STK40: variants seen among roughly 807,000 people sequenced by gnomAD.
STK40 encodes serine/threonine-protein kinase 40.
A neutral mutation model predicts 47.9 loss-of-function variants in STK40; 13 were observed. That is an observed-to-expected ratio of 0.27 (90% CI 0.18 to 0.43). The LOEUF is 0.43. Ranked by LOEUF, STK40 falls within the 20% of genes least tolerant of loss-of-function variation. The probability of loss-of-function intolerance (pLI) is 1.00; values close to 1 mark genes in which losing one functional copy is unlikely to be tolerated. For synonymous variants in STK40, 225 were observed against 243.2 expected (o/e 0.93, Z 0.69); for missense variants, 460 against 595.1 (o/e 0.77, Z 2.36).
intron 1 of STK40, among the ~76,000 whole-genome samples, chr1:36,368,962 AGAG>A (rs1646923247): frequency 6.6e-6 from 1 of 152,170 alleles, no homozygotes; most frequent in South Asian, 2.1e-4. Context: ...CCCCCGAGGC[AGAG>A]GAGAAAATCC....
chr1:36,346,341 A>G (rs1212530368), intron 7 of STK40, among the ~76,000 whole-genome samples: 1 of 151,954 alleles, frequency 6.6e-6, no homozygotes, highest in Non-Finnish European at 1.5e-5. Flanking sequence ...TGCCATCCCT[A>G]TTTTACAGAT....
chr1:36,365,419 G>C (rs1007168653), intron 1 of STK40, among the ~76,000 whole-genome samples: 11 of 152,166 alleles, frequency 7.2e-5, no homozygotes, highest in Non-Finnish European at 1.3e-4. Flanking sequence ...TGTGCCACTG[G>C]GGAGCACAGC....
intron 1 of STK40, among the ~76,000 whole-genome samples, 195 bp from the exon 2 acceptor site, chr1:36,361,535 T>C (rs1646852605): frequency 1.3e-5 from 2 of 152,190 alleles, no homozygotes; most frequent in African/African-American, 2.4e-5. Context: ...ATTAATTAGA[T>C]GCTAAAGGTG....
intron 6 of STK40, among the ~76,000 whole-genome samples, chr1:36,353,604 G>C (rs1646777928): frequency 6.6e-6 from 1 of 152,194 alleles, no homozygotes; most frequent in Admixed American, 6.5e-5. Context: ...TCTCCAGGAG[G>C]CCCTCTTAGC....
At chr1:36,372,206 G>A (rs1390571044) in intron 1 of STK40, among the ~76,000 whole-genome samples, 2 of 151,816 alleles carry the variant, frequency 1.3e-5, no homozygotes, top group Admixed American at 6.6e-5. Flanking sequence ...AATTGAGCCC[G>A]GGCACGGTGG....
chr1:36,353,258 G>C (rs1433985840), intron 6 of STK40, among the ~76,000 whole-genome samples: 1 of 152,206 alleles, frequency 6.6e-6, no homozygotes, highest in Non-Finnish European at 1.5e-5. Context: ...GGGGCGGAGT[G>C]GGGGAGATGT....
rs753570647 is a variant in STK40, at chr1:36,343,897, C to G, written c.967G>C (p.Asp323His). The change falls in exon 9 of 11, where the codon GAC becomes CAC. Residue 323 changes from aspartate (D) to histidine (H), a missense_variant. Asp to His is a moderately conservative substitution (Grantham distance 81, BLOSUM62 -1). Around this residue, in one of 3 missense-constraint regions of STK40, gnomAD observed 181 missense variants for 218.9 expected, o/e 0.83. Transcript: ENST00000373132. ...ATGGCACTGAGGGCCTCCAGGACGTCGGCGGCGGCCAGGCGCTGCTGGGGG... is the reference window on the plus strand; with the variant it reads ...ATGGCACTGAGGGCCTCCAGGACGTGGGCGGCGGCCAGGCGCTGCTGGGGG... ...LDPQQRLAAADVLEALSAIIA... is the reference protein window; with the variant it reads ...LDPQQRLAAAHVLEALSAIIA... 2 of 1,606,078 alleles carry G rather than the reference C, an allele frequency of 1.2e-6. No individual in the cohort carries two copies. Among genetic ancestry groups the G allele is most frequent in the Non-Finnish European group, 8.5e-7 (1 of 1,174,202 alleles).
rs567702656 is a variant in STK40, at chr1:36,340,207, G to A, written c.*1548C>T. The A allele has an allele frequency of 6.5e-6, 1 of 152,962 alleles. No homozygotes were observed. Among genetic ancestry groups the A allele is most frequent in the African/African-American group, 2.4e-5 (1 of 41,602 alleles). 9.5% of individuals were successfully genotyped at this position (152,962 alleles called of 1,614,324 possible). On this transcript the variant is annotated 3_prime_UTR_variant, in exon 11 of 11. Coordinates refer to ENST00000373132, the MANE Select transcript of STK40 (RefSeq NM_001282547.2). ...GCTCCCACAGGCCCACTGAGGCAGA[G>A]GCATGAGTCGCCCAAGTGCTGGATG... is the stretch of plus-strand genomic sequence containing the variant.
chr1:36,379,541 C>T (rs191060879), intron 1 of STK40, among the ~76,000 whole-genome samples: 8 of 152,152 alleles, frequency 5.3e-5, no homozygotes, highest in African/African-American at 1.4e-4. Flanking sequence ...CCACCACGTC[C>T]GGCTAATTTT....
At chr1:36,344,074 C>T (rs1370935874) in intron 8 of STK40, 46 bp downstream of exon 8, 1 of 1,599,292 alleles carries the variant, frequency 6.3e-7, no homozygotes, top group Non-Finnish European at 8.5e-7. Flanking sequence ...TGCCTTAAGC[C>T]CATCAGGCTG....
chr1:36,375,536 C>T (rs1646984335), intron 1 of STK40, among the ~76,000 whole-genome samples: 1 of 151,720 alleles, frequency 6.6e-6, no homozygotes, highest in Admixed American at 6.6e-5. Context: ...TGTTATGTTT[C>T]CTTCTTTCTA....
chr1:36,355,098 G>T, intron 5 of STK40, 108 bp downstream of exon 5: 1 of 1,165,804 alleles, frequency 8.6e-7, no homozygotes, highest in Non-Finnish European at 1.2e-6. Context: ...GACACTCCCA[G>T]CTGCAAAGCA....
At chr1:36,384,603 G>C (rs1191168359) in intron 1 of STK40, among the ~76,000 whole-genome samples, 1 of 152,228 alleles carries the variant, frequency 6.6e-6, no homozygotes, top group African/African-American at 2.4e-5. Context: ...GCCAGAATTT[G>C]AACTCAGGAA....
chr1:36,361,414 C>A (rs1231376178), intron 1 of STK40, 74 bp from the exon 2 acceptor site: 2 of 1,594,362 alleles, frequency 1.3e-6, no homozygotes, highest in African/African-American at 2.7e-5. Context: ...GCCTGCAGGC[C>A]TTTGACTTGG....
At position 36,358,272 on chromosome 1, in the gene STK40, C is replaced by T; in HGVS notation, c.309G>A (p.Gln103=). The T allele has an allele frequency of 4.4e-6, 7 of 1,600,306 alleles. No homozygotes were observed. The South Asian group carries it at 7.7e-5, about 18-fold the overall frequency. The change falls in exon 4 of 11, where the codon CAG becomes CAA. Residue 103 remains glutamine, a synonymous_variant. Transcript: ENST00000373132. ...GGCCGTGGTGGTGCACCACGCCATC[C>T]TGCGTGTGCAGGAGAGACAGCAGTG... ...EYSLLSLLHT[Q]DGVVHHHGLF...
chr1:36,359,030 T>A (rs1646829824), intron 2 of STK40, among the ~76,000 whole-genome samples: 1 of 152,190 alleles, frequency 6.6e-6, no homozygotes, highest in Non-Finnish European at 1.5e-5. Flanking sequence ...CTGGAGCACA[T>A]CCAGCTTTTG....
chr1:36,341,694 C>A lies in STK40; in HGVS notation c.*61G>T. 6.3e-7 allele frequency: 1 copy of A among 1,587,758 alleles called. No homozygotes were observed. Among genetic ancestry groups the A allele is most frequent in the Non-Finnish European group, 8.6e-7 (1 of 1,162,632 alleles). On this transcript the variant is annotated 3_prime_UTR_variant, in exon 11 of 11. Coordinates refer to ENST00000373132, the MANE Select transcript of STK40 (RefSeq NM_001282547.2). ...GCACTACAGGGCCCAGCCCTGACAGCCACGCCTTTGGCTGGGGCTGGAAGA... is the reference window on the plus strand; with the variant it reads ...GCACTACAGGGCCCAGCCCTGACAGACACGCCTTTGGCTGGGGCTGGAAGA...
At position 36,385,848 on chromosome 1, in the gene STK40, C is replaced by T; in HGVS notation, c.-134G>A. 5.6e-6 allele frequency: 1 copy of T among 177,820 alleles called. No homozygotes were observed. The highest frequency in any genetic ancestry group is 1.1e-5 in the Non-Finnish European group (1 of 88,216). The allele number at this position is 177,820 out of a possible 1,614,324, so 11.0% of individuals were successfully genotyped here. ...CGAGCCTCTCACCGCCGCCTCCCAGCGCAGCCACCCGAGCCGCCGCCGCCG... is the reference window on the plus strand; with the variant it reads ...CGAGCCTCTCACCGCCGCCTCCCAGTGCAGCCACCCGAGCCGCCGCCGCCG... On this transcript the variant is annotated 5_prime_UTR_variant, in exon 1 of 11. Transcript: ENST00000373132.
chr1:36,355,149 C>G lies in STK40; in HGVS notation c.570+57G>C, dbSNP rs948300200. 3 of 1,562,466 alleles carry G rather than the reference C, an allele frequency of 1.9e-6. No individual in the cohort carries two copies. In the South Asian group the frequency reaches 3.3e-5, roughly 17 times the overall value. ...GACAGAGCTGCCTTCTGCTCAGCAG[C>G]AGCAAGAAAGGTGGCTTTCTGTGGC... On this transcript the variant is annotated intron_variant, in intron 5 of 10. Transcript: ENST00000373132.
Sources: allele counts gnomAD v4.1 joint callset (sites outside exome capture counted in the v4.1 genomes callset), GRCh38; gene constraint gnomAD v4.1.1; regional missense constraint gnomAD v4.1.1; transcripts MANE v1.5; gene names NCBI Gene and HGNC (gene_info 2026-07-23, HGNC 2026-07-21).